The following CATSPERT variants were observed in gnomAD, a reference collection of about 807,000 sequenced individuals.
CATSPERT encodes the protein cation channel sperm-associated targeting subunit tau.
chr2:201,487,797 G>A, the CATSPERT span: 34 of 1,614,058 alleles, frequency 2.1e-5, 1 homozygote, highest in South Asian at 3.3e-5. Context: ...GCATGGTTAT[G>A]GATATCATCT....
chr2:201,582,089 A>G, the CATSPERT span: 1 of 1,598,606 alleles, frequency 6.3e-7, no homozygotes, highest in Non-Finnish European at 8.5e-7. Context: ...ATCATTTTAT[A>G]CATACCTGAA....
At chr2:201,607,478 C>A in the CATSPERT span, among the ~76,000 whole-genome samples, 2 of 152,094 alleles carry the variant, frequency 1.3e-5, no homozygotes, top group Non-Finnish European at 2.9e-5. Context: ...CTAGTGATAC[C>A]GGCCCCCATC....
At chr2:201,501,120 C>T in the CATSPERT span, among the ~76,000 whole-genome samples, 5 of 151,872 alleles carry the variant, frequency 3.3e-5, no homozygotes, top group Non-Finnish European at 4.4e-5. Flanking sequence ...GATCTCAGGC[C>T]GGGCATGGTG....
chr2:201,541,531 T>TTATATATATATATATATATATATATATA, the CATSPERT span, among the ~76,000 whole-genome samples: 1 of 92,768 alleles, frequency 1.1e-5, no homozygotes, highest in Non-Finnish European at 2.1e-5. Context: ...TCAGATGATT[T>TTATATATATATATATATATATATATATA]TATATATATA....
At chr2:201,492,101 C>A in the CATSPERT span, 1 of 1,526,548 alleles carries the variant, frequency 6.6e-7, no homozygotes. Flanking sequence ...TATTTCTTTT[C>A]TTTCTCTCGA....
At chr2:201,487,727 C>T in the CATSPERT span, 1 of 1,614,162 alleles carries the variant, frequency 6.2e-7, no homozygotes, top group East Asian at 2.2e-5. Flanking sequence ...AAACTTTCCA[C>T]TGTAGCTTTC....
chr2:201,492,190 T>C, the CATSPERT span: 8 of 1,521,278 alleles, frequency 5.3e-6, no homozygotes, highest in Non-Finnish European at 5.3e-6. Context: ...ATATTTATTT[T>C]GCTTTTCTGA....
At chr2:201,575,385 A>G in the CATSPERT span, 1 of 1,412,516 alleles carries the variant, frequency 7.1e-7, no homozygotes, top group Non-Finnish European at 9.5e-7. Context: ...CCTGTATATT[A>G]TCGAAACCAA....
chr2:201,618,104 G>GT, the CATSPERT span, among the ~76,000 whole-genome samples: 1 of 152,190 alleles, frequency 6.6e-6, no homozygotes, highest in Non-Finnish European at 1.5e-5. Flanking sequence ...CTTTTACACT[G>GT]TTGGTGGGAG....
the CATSPERT span, chr2:201,537,346 TTCTC>T: frequency 8.8e-7 from 1 of 1,142,844 alleles, no homozygotes; most frequent in Non-Finnish European, 1.2e-6. Flanking sequence ...TTGGATGCCT[TTCTC>T]TATCTATAAA....
the CATSPERT span, among the ~76,000 whole-genome samples, chr2:201,575,034 C>CAAAAAAAAAAAAAAAAA: frequency 2.0e-5 from 2 of 97,926 alleles, no homozygotes; most frequent in African/African-American, 7.5e-5. Flanking sequence ...CACCATTTAG[C>CAAAAAAAAAAAAAAAAA]AAAAAAAAAA....
the CATSPERT span, among the ~76,000 whole-genome samples, chr2:201,542,318 T>C: frequency 1.3e-5 from 2 of 152,228 alleles, no homozygotes; most frequent in Non-Finnish European, 2.9e-5. Context: ...AGTAATAACA[T>C]GGCAATAAAC....
the CATSPERT span, among the ~76,000 whole-genome samples, chr2:201,600,406 G>A: frequency 1.3e-5 from 2 of 152,060 alleles, no homozygotes; most frequent in Admixed American, 1.3e-4. Flanking sequence ...TGGACACAGG[G>A]TGGGGAACAT....
chr2:201,579,683 T>G, the CATSPERT span, among the ~76,000 whole-genome samples: 1 of 144,976 alleles, frequency 6.9e-6, no homozygotes, highest in Non-Finnish European at 1.5e-5. Context: ...TGCGTTTTGG[T>G]TTTTTTTTTA....
the CATSPERT span, among the ~76,000 whole-genome samples, chr2:201,560,651 A>G: frequency 6.6e-6 from 1 of 152,126 alleles, no homozygotes; most frequent in East Asian, 1.9e-4. Context: ...TCACATTATG[A>G]GAGTTCCAGA....
At chr2:201,536,161 C>A in the CATSPERT span, 4,591 of 1,613,494 alleles carry the variant, frequency 2.8e-3, 12 homozygotes, top group Middle Eastern at 4.1e-3. Flanking sequence ...ATTCTGCCTG[C>A]TTTTATTGTT....
chr2:201,527,771 A>C, the CATSPERT span, among the ~76,000 whole-genome samples: 1 of 152,218 alleles, frequency 6.6e-6, no homozygotes, highest in African/African-American at 2.4e-5. Flanking sequence ...GTTAGATTAA[A>C]GACTTAAATG....
chr2:201,560,471 C>T, the CATSPERT span, among the ~76,000 whole-genome samples: 85 of 37,568 alleles, frequency 2.3e-3, 1 homozygote, highest in African/African-American at 6.1e-3. Flanking sequence ...ATAATAATAA[C>T]AACAACAACA....
chr2:201,597,838 C>T, the CATSPERT span, among the ~76,000 whole-genome samples: 1 of 152,090 alleles, frequency 6.6e-6, no homozygotes, highest in Non-Finnish European at 1.5e-5. Flanking sequence ...TTCCCAGCAG[C>T]TTTCTGGAAC....
Sources: allele counts gnomAD v4.1 joint callset (sites outside exome capture counted in the v4.1 genomes callset), GRCh38; gene constraint gnomAD v4.1.1; transcripts MANE v1.5; gene names NCBI Gene and HGNC (gene_info 2026-07-23, HGNC 2026-07-21).